KIF26B: variants seen among roughly 807,000 people sequenced by gnomAD.
KIF26B encodes the protein kinesin-like protein KIF26B.
In KIF26B, 63 loss-of-function variants were observed where a neutral mutation model predicts 151.2. That is an observed-to-expected ratio of 0.42 (90% confidence interval 0.34 to 0.51). The LOEUF (loss-of-function observed/expected upper bound fraction) is 0.51. Ranked by LOEUF, KIF26B falls within the 20% of genes least tolerant of loss-of-function variation. KIF26B has a pLI of 0.07. For missense variants in KIF26B, 2,813 were observed against 2,913.6 expected (o/e 0.97, Z 0.79); for synonymous variants, 1,357 against 1,262.1 (o/e 1.08, Z -1.59).
chr1:245,176,288 G>T (rs76372794), intron 2 of KIF26B, among the ~76,000 whole-genome samples: 14,194 of 152,096 alleles, frequency 0.093, 847 homozygotes, highest in African/African-American at 0.17. Flanking sequence ...CGTGAGCCTT[G>T]TAATTACAGG....
At chr1:245,679,450 TGTGTGTG>T (rs368157613) in intron 10 of KIF26B, among the ~76,000 whole-genome samples, 25 of 88,694 alleles carry the variant, frequency 2.8e-4, no homozygotes, top group Admixed American at 7.9e-4. Context: ...GTGTTTTTTT[TGTGTGTG>T]TTTTTTTTTT....
At chr1:245,568,259 T>A (rs2043031227) in intron 5 of KIF26B, among the ~76,000 whole-genome samples, 1 of 142,314 alleles carries the variant, frequency 7.0e-6, no homozygotes, top group South Asian at 2.3e-4. Flanking sequence ...CTCATACATG[T>A]AATCCCAACA....
In KIF26B at chr1:245,169,617, G is replaced by A. The variant is rs150884055; in HGVS notation, c.465+12934G>A. Among the ~76,000 whole-genome samples, 1,004 of 151,934 alleles carry A rather than the reference G, an allele frequency of 6.6e-3. 12 individuals carry two copies. The highest frequency in any genetic ancestry group is 0.022 in the African/African-American group (919 of 41,456). ...GGCTTTACAAGCATTTTTTGCAGCC[G>A]GGGTGGTAAATGCGATACAAAGGCA... On this transcript the variant is annotated intron_variant, in intron 2 of 14. Transcript: ENST00000407071.
rs74163045 is a variant in KIF26B at position 245,374,094 on chromosome 1, AATATATATATATATATATATAT to A, written c.999+6750_999+6771del. Among the ~76,000 whole-genome samples, 186 of 22,196 alleles carry A rather than the reference AATATATATATATATATATATAT, an allele frequency of 8.4e-3. 12 individuals carry two copies. The highest frequency in any genetic ancestry group is 0.019 in the African/African-American group (119 of 6,264). 14.6% of individuals were successfully genotyped at this position (22,196 alleles called of 152,430 possible). On this transcript the variant is annotated intron_variant, in intron 3 of 14. Transcript: ENST00000407071. ...AAAAAAAAAAAAAAAAAAAAAAAAA[AATATATATATATATATATATAT>A]ATATATATATATATATATATATGGG...
At chr1:245,220,956 G>T (rs980273834) in intron 2 of KIF26B, among the ~76,000 whole-genome samples, 5 of 152,076 alleles carry the variant, frequency 3.3e-5, no homozygotes, top group Non-Finnish European at 7.4e-5. Flanking sequence ...GAAGGAGCAG[G>T]CCCCAGGGAT....
intron 2 of KIF26B, among the ~76,000 whole-genome samples, chr1:245,314,638 T>G (rs765185767): frequency 5.3e-5 from 8 of 152,168 alleles, no homozygotes; most frequent in Non-Finnish European, 1.0e-4. Flanking sequence ...CCCTCACCTC[T>G]GTTGGCTGTG....
chr1:245,221,327 C>G (rs1397255424), intron 2 of KIF26B, among the ~76,000 whole-genome samples: 1 of 144,552 alleles, frequency 6.9e-6, no homozygotes, highest in Non-Finnish European at 1.5e-5. Flanking sequence ...ATATTTCTAA[C>G]AAGCGTGGTG....
intron 5 of KIF26B, among the ~76,000 whole-genome samples, chr1:245,587,973 G>A (rs920185576): frequency 6.6e-6 from 1 of 152,216 alleles, no homozygotes; most frequent in Admixed American, 6.5e-5. Context: ...CAGTGTGCTA[G>A]GAAGGCTTTT....
At chr1:245,599,073 A>G (rs1041710431) in intron 5 of KIF26B, among the ~76,000 whole-genome samples, 1 of 152,004 alleles carries the variant, frequency 6.6e-6, no homozygotes, top group African/African-American at 2.4e-5. Context: ...GCGGGGCTGG[A>G]GGAGATGTTG....
rs2043453451 is a variant in KIF26B, at chr1:245,606,273, G to A, written c.1558-1378G>A. ...GTGTGGTTTTTCAATTTTAGTTTAG[G>A]AGAGAAAACTGATTTCCAAATACTT... is the stretch of plus-strand genomic sequence containing the variant. On this transcript the variant is annotated intron_variant, in intron 6 of 14. Coordinates refer to ENST00000407071, the MANE Select transcript of KIF26B (RefSeq NM_018012.4). The surrounding 1 kb of genome is among the most constrained non-coding windows in gnomAD (Gnocchi z 4.6). Among the ~76,000 whole-genome samples the A allele has an allele frequency of 1.3e-5, 2 of 152,134 alleles. No individual in the cohort carries two copies. The highest frequency in any genetic ancestry group is 2.1e-4 in the South Asian group (1 of 4,832).
intron 2 of KIF26B, among the ~76,000 whole-genome samples, chr1:245,253,965 A>G (rs1367827212): frequency 2.0e-5 from 3 of 151,118 alleles, no homozygotes. Context: ...GCCCGCCACC[A>G]CGCCCGGCTG....
intron 10 of KIF26B, among the ~76,000 whole-genome samples, chr1:245,668,449 C>T (rs1170130644): frequency 1.3e-5 from 2 of 152,108 alleles, no homozygotes; most frequent in Non-Finnish European, 2.9e-5. Context: ...AATTCCTCCA[C>T]ATCATTCTCC....
intron 2 of KIF26B, among the ~76,000 whole-genome samples, chr1:245,303,246 C>T (rs11579039): frequency 0.059 from 8,383 of 141,494 alleles, 274 homozygotes; most frequent in Middle Eastern, 0.09. Flanking sequence ...TCGCCCAGGC[C>T]GGAGTGCAGT....
chr1:245,531,743 A>G (rs1661366274), intron 4 of KIF26B, among the ~76,000 whole-genome samples: 1 of 152,200 alleles, frequency 6.6e-6, no homozygotes, highest in Admixed American at 6.5e-5. Flanking sequence ...GGCAGAAGCA[A>G]AAGGCCACAT....
chr1:245,670,987 C>T (rs1472681798), intron 10 of KIF26B, among the ~76,000 whole-genome samples: 1 of 152,162 alleles, frequency 6.6e-6, no homozygotes, highest in Non-Finnish European at 1.5e-5. Context: ...CCCACATCCC[C>T]CATACTCTCC....
chr1:245,307,511 A>C (rs1671578959), intron 2 of KIF26B, among the ~76,000 whole-genome samples: 1 of 152,208 alleles, frequency 6.6e-6, no homozygotes, highest in Non-Finnish European at 1.5e-5. Flanking sequence ...TTTTCCAGTA[A>C]ATATATTTAT....
rs149440893 is a variant in KIF26B, at chr1:245,643,634, C to G, written c.2099-2487C>G. On this transcript the variant is annotated intron_variant, in intron 9 of 14. Coordinates refer to ENST00000407071, the MANE Select transcript of KIF26B (RefSeq NM_018012.4). ...AAGTAATAAAAATTACATATTTACC[C>G]ATGTGGTTATCATTTCCAAAGCTCT... Among the ~76,000 whole-genome samples, 182 of 152,168 alleles carry G rather than the reference C, an allele frequency of 1.2e-3. 1 individual carries two copies. Among genetic ancestry groups the G allele is most frequent in the Non-Finnish European group, 1.6e-3 (109 of 67,994 alleles).
At chr1:245,543,814 G>A (rs898767917) in intron 5 of KIF26B, among the ~76,000 whole-genome samples, 4 of 152,138 alleles carry the variant, frequency 2.6e-5, no homozygotes, top group Admixed American at 6.5e-5. Context: ...CAAGCTTGGC[G>A]GCACGTACCT....
intron 10 of KIF26B, among the ~76,000 whole-genome samples, chr1:245,652,463 A>T (rs2044030217): frequency 6.6e-6 from 1 of 152,178 alleles, no homozygotes; most frequent in Non-Finnish European, 1.5e-5. Context: ...TAGCATTCTC[A>T]CTTGCTTTTA....
Sources: gnomAD v4.1 joint callset for allele counts (sites outside exome capture counted in the v4.1 genomes callset) on GRCh38, gnomAD v4.1.1 for gene constraint, Gnocchi (gnomAD v3.1) non-coding constraint, MANE v1.5 for transcripts, NCBI Gene and HGNC (gene_info 2026-07-23, HGNC 2026-07-21) for gene names.